Variants in KIFC3 observed in about 807,000 individuals in gnomAD.
KIFC3 encodes kinesin-like protein KIFC3.
In KIFC3, 60 loss-of-function variants were observed where a neutral mutation model predicts 101.8. The ratio of observed to expected loss-of-function variants is 0.59; its 90% CI spans 0.48 to 0.73. The LOEUF is 0.73. KIFC3 is among the 30% of genes least tolerant of loss of function. KIFC3 has a pLI of 0.00. For missense variants in KIFC3, 966 were observed against 1,137.1 expected, an observed-to-expected ratio of 0.85 and a Z score of 2.16; for synonymous variants, 476 against 482.7, an observed-to-expected ratio of 0.99 and a Z score of 0.18.
chr16:57,759,639 A>G, intron 18 of KIFC3, 89 bp downstream of exon 18: 1 of 988,628 alleles, frequency 1.0e-6, no homozygotes, highest in South Asian at 1.6e-5. Flanking sequence ...TTAAAAAGGA[A>G]AGAAAAGAGA....
At chr16:57,787,073 G>A (rs781999035) in intron 3 of KIFC3, among the ~76,000 whole-genome samples, 45 of 152,224 alleles carry the variant, frequency 3.0e-4, no homozygotes, top group African/African-American at 1.1e-3. Context: ...CCAAGCTCCT[G>A]CGATCTGTTC....
chr16:57,812,566 C>T (rs4784014), intron 1 of KIFC3, among the ~76,000 whole-genome samples: 7,102 of 152,190 alleles, frequency 0.047, 302 homozygotes, highest in East Asian at 0.14. Context: ...GCTTGCCTTC[C>T]TCAGAGCGGA....
Position 57,798,053 on chromosome 16 carries a change from T to C in KIFC3, c.172+19A>G, listed in dbSNP as rs782291277. The C allele has an allele frequency of 2.5e-6, 4 of 1,585,638 alleles. No homozygotes were observed. Among genetic ancestry groups the C allele is most frequent in the South Asian group, 1.2e-5 (1 of 86,868 alleles). ...GGAAGGAAGGGAAATAAAGAGGCAT[T>C]TTAAAAATGCGGACTCACCAGTTCT... On this transcript the variant is annotated intron_variant, in intron 2 of 19. Transcript: ENST00000445690.
intron 3 of KIFC3, among the ~76,000 whole-genome samples, chr16:57,792,587 C>T (rs185019973): frequency 1.2e-3 from 178 of 152,208 alleles, no homozygotes; most frequent in African/African-American, 3.8e-3. Context: ...TAGACTATTA[C>T]GCAGCCGTGT....
At position 57,769,671 on chromosome 16, in the gene KIFC3, T is replaced by C. The variant is rs1217002089; in HGVS notation, c.1142A>G (p.Asp381Gly). ...LQPALRTLTN[D>G]YNGLKRQVRG... The stretch of plus-strand genomic sequence containing the variant: ...CACCTGCCGCTTGAGCCCATTGTAG[T>C]CGTTGGTGAGGGTCCGCAGTGCCGG... Residue 381 changes from aspartate (D) to glycine (G), a missense_variant, in exon 9 of 20, where the codon GAC becomes GGC. Asp to Gly is a moderately conservative substitution (Grantham distance 94). This residue lies in a region of KIFC3 where 689 missense variants were observed against 884.6 expected (regional missense o/e 0.78). Coordinates refer to ENST00000445690, the MANE Select transcript of KIFC3 (RefSeq NM_001130100.2). The surrounding 1 kb of genome is among the most constrained non-coding windows in gnomAD (Gnocchi z 4.3). 20 of 1,612,060 alleles carry C rather than the reference T, an allele frequency of 1.2e-5. No homozygotes were observed. The highest frequency in any genetic ancestry group is 1.7e-5 in the Non-Finnish European group (20 of 1,179,962).
chr16:57,842,189 G>C (rs2149313664), intron 1 of KIFC3, among the ~76,000 whole-genome samples: 1 of 151,832 alleles, frequency 6.6e-6, no homozygotes, highest in African/African-American at 2.4e-5. Context: ...AACAGAGCGA[G>C]ACTCCGTCTC....
intron 18 of KIFC3, 122 bp from the exon 19 acceptor site, chr16:57,759,275 A>G: frequency 8.3e-7 from 1 of 1,200,970 alleles, no homozygotes; most frequent in Non-Finnish European, 1.2e-6. Context: ...GATCTGGGCT[A>G]AACAGGGGCT....
intron 1 of KIFC3, among the ~76,000 whole-genome samples, chr16:57,828,158 G>T (rs1033977394): frequency 6.6e-6 from 1 of 152,302 alleles, no homozygotes; most frequent in Non-Finnish European, 1.5e-5. Context: ...GCCACTCTGC[G>T]CTCCTCCTCC....
chr16:57,761,031 G>A lies in KIFC3; in HGVS notation c.2002+11C>T. On this transcript the variant is annotated intron_variant, in intron 15 of 19. Coordinates refer to ENST00000445690, the MANE Select transcript of KIFC3 (RefSeq NM_001130100.2). ...TGGGGATCCTCAGGCCAGGCTGCCT[G>A]CCACTCTCACCCGTGGTGCGGAGGC... 1 of 1,605,354 alleles carries A rather than the reference G, an allele frequency of 6.2e-7. No individual in the cohort carries two copies. Among genetic ancestry groups the A allele is most frequent in the Non-Finnish European group, 8.5e-7 (1 of 1,175,402 alleles).
In KIFC3 at chr16:57,759,749, G is replaced by T. The variant is rs782447546; in HGVS notation, c.2455C>A (p.Arg819=). The stretch of plus-strand genomic sequence containing the variant: ...TCACCCGAGGGCTGCAGCTTCCTCC[G>T]GATGGATCCAGGGCGGCTACTGGTC... ...SGTSSRPGSI[R]RKLQPSA Residue 819 remains arginine, a synonymous_variant, in exon 18 of 20, where the codon CGG becomes AGG. Transcript: ENST00000445690. 6.2e-7 allele frequency: 1 copy of T among 1,610,710 alleles called. No individual in the cohort carries two copies. The highest frequency in any genetic ancestry group is 8.5e-7 in the Non-Finnish European group (1 of 1,178,696).
In KIFC3 at chr16:57,847,262, G is replaced by T. The variant is rs867421901; in HGVS notation, c.108+15467C>A. 9.3e-3 allele frequency among the ~76,000 whole-genome samples: 740 copies of T among 79,612 alleles called. 12 individuals are homozygous for T. Among genetic ancestry groups the T allele is most frequent in the African/African-American group, 0.047 (698 of 14,740 alleles). The allele number at this position is 79,612 out of a possible 152,430, so 52.2% of individuals were successfully genotyped here. A position where few individuals can be genotyped will look rare whatever the true frequency, so the allele number is the denominator to read the frequency against. ...AGGAAGGAAGGAAGGAAGGAAGGAA[G>T]GAAGGAAGGGAAGGGAGGGAGGGAG... On this transcript the variant is annotated intron_variant, in intron 1 of 2. Coordinates refer to the KIFC3 transcript ENST00000563028.
chr16:57,849,325 G>A (rs1423290282), intron 1 of KIFC3, among the ~76,000 whole-genome samples: 1 of 152,172 alleles, frequency 6.6e-6, no homozygotes, highest in African/African-American at 2.4e-5. Flanking sequence ...GTTTAATGGA[G>A]ATAAATTACC....
chr16:57,816,998 A>G, intron 1 of KIFC3: 1 of 323,310 alleles, frequency 3.1e-6, no homozygotes. Flanking sequence ...CTGAATTATC[A>G]CATGCATTCA....
At chr16:57,859,127 T>G (rs914792957) in intron 1 of KIFC3, among the ~76,000 whole-genome samples, 7 of 152,204 alleles carry the variant, frequency 4.6e-5, no homozygotes, top group Non-Finnish European at 8.8e-5. Flanking sequence ...ATATAATACA[T>G]AGGACCATAT....
At chr16:57,764,986 T>G (rs2050309164) in intron 11 of KIFC3, among the ~76,000 whole-genome samples, 3 of 129,762 alleles carry the variant, frequency 2.3e-5, no homozygotes, top group Non-Finnish European at 3.3e-5. Context: ...GCCTTGGGAG[T>G]GGGCAGGGCC....
At chr16:57,762,908 G>A (rs990095609) in intron 12 of KIFC3, among the ~76,000 whole-genome samples, 1 of 152,068 alleles carries the variant, frequency 6.6e-6, no homozygotes, top group Admixed American at 6.6e-5. Context: ...CAGCCCTGCA[G>A]CTCCCTCTGC....
At chr16:57,790,888 C>A (rs1038604772) in intron 3 of KIFC3, 85 of 984,922 alleles carry the variant, frequency 8.6e-5, no homozygotes, top group Middle Eastern at 1.0e-3. Context: ...CTCCCTCTCT[C>A]GACCCAGAGC....
chr16:57,854,132 G>A (rs1240774154), intron 1 of KIFC3, among the ~76,000 whole-genome samples: 2 of 151,896 alleles, frequency 1.3e-5, no homozygotes, highest in African/African-American at 4.8e-5. Flanking sequence ...GCTAGAAATG[G>A]GGTTTCACCA....
chr16:57,823,227 AT>A (rs1171141705), intron 1 of KIFC3, among the ~76,000 whole-genome samples: 8 of 152,194 alleles, frequency 5.3e-5, no homozygotes, highest in Non-Finnish European at 8.8e-5. Flanking sequence ...CCTATTGATA[AT>A]AACTCTTTCA....
Sources: allele counts gnomAD v4.1 joint callset (sites outside exome capture counted in the v4.1 genomes callset), GRCh38; gene constraint gnomAD v4.1.1; regional missense constraint gnomAD v4.1.1; non-coding constraint Gnocchi (gnomAD v3.1); transcripts MANE v1.5; gene names NCBI Gene and HGNC (gene_info 2026-07-23, HGNC 2026-07-21).